The following PCDH9 variants were observed in gnomAD, a reference collection of about 807,000 sequenced individuals.
PCDH9 encodes the protein protocadherin-9.
PCDH9 carries 24 observed loss-of-function variants against 70.6 expected under a neutral mutation model. That is an observed-to-expected ratio of 0.34 (90% CI 0.25 to 0.48). PCDH9 has a LOEUF of 0.48. PCDH9 is among the 20% of genes least tolerant of loss of function. PCDH9 has a pLI of 0.99. For synonymous variants in PCDH9, 562 were observed against 558.5 expected (o/e 1.01, Z -0.09); for missense variants, 1,281 against 1,503.6 (o/e 0.85, Z 2.45).
chr13:66,528,962 A>C (rs1960326031), intron 4 of PCDH9, among the ~76,000 whole-genome samples: 1 of 152,116 alleles, frequency 6.6e-6, no homozygotes, highest in African/African-American at 2.4e-5. Flanking sequence ...AACAACTTTT[A>C]AACTTTGAGT....
intron 3 of PCDH9, among the ~76,000 whole-genome samples, chr13:66,681,201 C>A (rs924467291): frequency 6.6e-6 from 1 of 152,088 alleles, no homozygotes; most frequent in Non-Finnish European, 1.5e-5. Flanking sequence ...ATGAAATAAA[C>A]CATTGCATTA....
chr13:67,047,961 G>A (rs1418084113), intron 2 of PCDH9, among the ~76,000 whole-genome samples: 1 of 152,042 alleles, frequency 6.6e-6, no homozygotes, highest in Non-Finnish European at 1.5e-5. Context: ...AATTTAGGGG[G>A]ATTAATTACT....
At chr13:66,484,468 A>T (rs1254677287) in intron 4 of PCDH9, among the ~76,000 whole-genome samples, 1 of 152,132 alleles carries the variant, frequency 6.6e-6, no homozygotes, top group East Asian at 1.9e-4. Context: ...CCATTTCATT[A>T]TTTTTACCTG....
intron 2 of PCDH9, among the ~76,000 whole-genome samples, chr13:67,056,860 G>A (rs576560008): frequency 6.6e-6 from 1 of 152,134 alleles, no homozygotes; most frequent in Non-Finnish European, 1.5e-5. Flanking sequence ...AGACAGGAAG[G>A]ATAGATTCAA....
chr13:67,018,259 T>A (rs552161240), intron 2 of PCDH9, among the ~76,000 whole-genome samples: 2 of 151,874 alleles, frequency 1.3e-5, no homozygotes, highest in Non-Finnish European at 2.9e-5. Context: ...TAGAAAAGAG[T>A]CATAAATGGG....
chr13:67,184,396 T>C (rs2088695255), intron 2 of PCDH9, among the ~76,000 whole-genome samples: 1 of 152,098 alleles, frequency 6.6e-6, no homozygotes, highest in Non-Finnish European at 1.5e-5. Flanking sequence ...AGATCCGCAT[T>C]CAGATCTCTG....
intron 3 of PCDH9, among the ~76,000 whole-genome samples, chr13:66,743,612 T>A (rs1433005907): frequency 6.6e-6 from 1 of 152,120 alleles, no homozygotes; most frequent in Non-Finnish European, 1.5e-5. Flanking sequence ...AACAATGTAT[T>A]GTATGCTCAA....
chr13:66,814,137 A>G (rs76936382), intron 3 of PCDH9, among the ~76,000 whole-genome samples: 2,256 of 152,288 alleles, frequency 0.015, 44 homozygotes, highest in African/African-American at 0.051. Context: ...GTAATATTTT[A>G]TGGAGGTACT....
intron 4 of PCDH9, among the ~76,000 whole-genome samples, chr13:66,391,617 T>C (rs1957019527): frequency 6.6e-6 from 1 of 152,124 alleles, no homozygotes; most frequent in Non-Finnish European, 1.5e-5. Flanking sequence ...TATCATGAAT[T>C]GCAATTTTTC....
intron 2 of PCDH9, among the ~76,000 whole-genome samples, chr13:66,981,904 C>G (rs1226965123): frequency 6.6e-6 from 1 of 152,110 alleles, no homozygotes; most frequent in Non-Finnish European, 1.5e-5. Flanking sequence ...AACTTATTTA[C>G]CAGTAACACA....
At chr13:66,974,173 T>A (rs1320016862) in intron 2 of PCDH9, among the ~76,000 whole-genome samples, 4 of 152,018 alleles carry the variant, frequency 2.6e-5, no homozygotes, top group African/African-American at 9.7e-5. Context: ...AATTTATTTC[T>A]TATCTCCAAG....
chr13:66,935,469 G>A (rs1304242677), intron 2 of PCDH9, among the ~76,000 whole-genome samples: 2 of 152,056 alleles, frequency 1.3e-5, no homozygotes, highest in Admixed American at 1.3e-4. Context: ...AATGTACTAG[G>A]TGTAACTTAT....
intron 1 of PCDH9, among the ~76,000 whole-genome samples, chr13:67,229,042 G>A (rs887939694): frequency 6.6e-6 from 1 of 152,116 alleles, no homozygotes; most frequent in African/African-American, 2.4e-5. Context: ...TTCTAAAAAG[G>A]CTATCTTTTT....
intron 2 of PCDH9, among the ~76,000 whole-genome samples, chr13:67,048,213 T>C (rs1445022278): frequency 6.6e-6 from 1 of 152,192 alleles, no homozygotes; most frequent in Non-Finnish European, 1.5e-5. Flanking sequence ...GAGCCCCTCA[T>C]TCATATCCTA....
intron 3 of PCDH9, among the ~76,000 whole-genome samples, chr13:66,638,074 T>C (rs2077662703): frequency 6.6e-6 from 1 of 152,174 alleles, no homozygotes; most frequent in Admixed American, 6.5e-5. Context: ...CATTGCTCAT[T>C]CATCTCTTCA....
At chr13:66,360,900 T>A (rs765540469) in intron 4 of PCDH9, among the ~76,000 whole-genome samples, 1 of 152,110 alleles carries the variant, frequency 6.6e-6, no homozygotes, top group Non-Finnish European at 1.5e-5. Context: ...TTTGTCTGAG[T>A]ACCTAATAAT....
chr13:66,670,945 G>A (rs1175591131), intron 3 of PCDH9, among the ~76,000 whole-genome samples: 1 of 150,246 alleles, frequency 6.7e-6, no homozygotes, highest in Non-Finnish European at 1.5e-5. Flanking sequence ...AGGAAGTTGG[G>A]TGATATGGTT....
intron 3 of PCDH9, among the ~76,000 whole-genome samples, chr13:66,900,687 T>C (rs188090905): frequency 2.0e-5 from 3 of 151,928 alleles, no homozygotes; most frequent in Admixed American, 1.3e-4. Context: ...GGTTTTATTA[T>C]GTATCTAGTG....
chr13:66,881,868 T>G (rs1471535217), intron 3 of PCDH9, among the ~76,000 whole-genome samples: 12 of 152,100 alleles, frequency 7.9e-5, no homozygotes, highest in Admixed American at 4.6e-4. Flanking sequence ...TATAGGGAGG[T>G]AGAACAGGAG....
Sources: gnomAD v4.1 joint callset for allele counts (sites outside exome capture counted in the v4.1 genomes callset) on GRCh38, gnomAD v4.1.1 for gene constraint, MANE v1.5 for transcripts, NCBI Gene and HGNC (gene_info 2026-07-23, HGNC 2026-07-21) for gene names.